SVOPL: variants seen among roughly 807,000 people sequenced by gnomAD.
The protein encoded by SVOPL is putative transporter SVOPL.
Under a neutral mutation model 61.0 loss-of-function variants are expected in SVOPL, and 60 were observed. The ratio of observed to expected loss-of-function variants is 0.98; its 90% CI spans 0.80 to 1.22. The LOEUF is 1.22. SVOPL is among the 50% of genes most tolerant of loss of function. SVOPL has a pLI of 0.00. For missense variants in SVOPL, 662 were observed against 643.9 expected (o/e 1.03, Z -0.30); for synonymous variants, 279 against 250.0 (o/e 1.12, Z -1.09).
At chr7:138,618,417 T>G (rs1231232815) in intron 14 of SVOPL, among the ~76,000 whole-genome samples, 2 of 151,960 alleles carry the variant, frequency 1.3e-5, no homozygotes, top group Non-Finnish European at 2.9e-5. Flanking sequence ...TCCCAGCACT[T>G]TGGGAGGCGA....
rs528124659 is a variant in SVOPL at position 138,634,691 on chromosome 7, G to A, written c.790-4569C>T. Reference sequence around the variant, plus strand: ...AAAAACAAAAAAATTAGCCAGGCATGGTGGCACATGCCTGCAATTCCAACT... The same window carrying A: ...AAAAACAAAAAAATTAGCCAGGCATAGTGGCACATGCCTGCAATTCCAACT... On this transcript the variant is annotated intron_variant, in intron 9 of 15. Transcript: ENST00000674285. Among the ~76,000 whole-genome samples, 21 of 130,986 alleles carry A rather than the reference G, an allele frequency of 1.6e-4. 1 individual carries two copies. In the Admixed American group the frequency reaches 1.6e-3, roughly 10 times the overall value. The allele number at this position is 130,986 out of a possible 152,430, so 85.9% of individuals were successfully genotyped here. A position where few individuals can be genotyped will look rare whatever the true frequency, so the allele number is the denominator to read the frequency against.
chr7:138,692,824 T>G (rs976329307), intron 1 of SVOPL, among the ~76,000 whole-genome samples: 1 of 152,176 alleles, frequency 6.6e-6, no homozygotes, highest in Non-Finnish European at 1.5e-5. Context: ...ATATAAGACT[T>G]GATTGTGGTT....
intron 3 of SVOPL, among the ~76,000 whole-genome samples, chr7:138,676,958 C>T (rs986081007): frequency 1.5e-5 from 2 of 133,498 alleles, no homozygotes; most frequent in Admixed American, 8.8e-5. Flanking sequence ...GGCTGGAGTG[C>T]AGTGGCACTA....
At position 138,663,283 on chromosome 7, in the gene SVOPL, G is replaced by A. The variant is rs1802083565; in HGVS notation, c.274-138C>T. 5 of 1,487,948 alleles carry A rather than the reference G, an allele frequency of 3.4e-6. No homozygotes were observed. The Admixed American group carries it at 1.1e-4, about 33-fold the overall frequency. 92.2% of individuals were successfully genotyped at this position (1,487,948 alleles called of 1,614,324 possible). A position where few individuals can be genotyped will look rare whatever the true frequency, so the allele number is the denominator to read the frequency against. ...ATTTAAAGAACAGGGTTTCACGTTGGTCTTGCTTGCCCCTGAGGCCCTTCA... is the reference window on the plus strand; with the variant it reads ...ATTTAAAGAACAGGGTTTCACGTTGATCTTGCTTGCCCCTGAGGCCCTTCA... On this transcript the variant is annotated intron_variant, in intron 4 of 15. Coordinates refer to ENST00000674285, the MANE Select transcript of SVOPL (RefSeq NM_001139456.2).
At chr7:138,641,819 T>A (rs1350344072) in intron 9 of SVOPL, among the ~76,000 whole-genome samples, 7 of 138,004 alleles carry the variant, frequency 5.1e-5, no homozygotes, top group African/African-American at 1.8e-4. Flanking sequence ...ATATGTTATA[T>A]ATATATATAT....
At chr7:138,609,815 C>A (rs1025401166) in intron 14 of SVOPL, among the ~76,000 whole-genome samples, 2 of 151,974 alleles carry the variant, frequency 1.3e-5, no homozygotes, top group African/African-American at 4.8e-5. Flanking sequence ...TCACTGCAAC[C>A]TCCACCTCCC....
At chr7:138,626,275 G>A (rs1337103091) in intron 12 of SVOPL, among the ~76,000 whole-genome samples, 1 of 152,136 alleles carries the variant, frequency 6.6e-6, no homozygotes, top group Non-Finnish European at 1.5e-5. Flanking sequence ...CATTCACCCT[G>A]GCCCCTCACA....
At chr7:138,597,270 A>T in intron 14 of SVOPL, 1 of 1,263,318 alleles carries the variant, frequency 7.9e-7, no homozygotes. Flanking sequence ...AGAATAATGT[A>T]TTATAATTTA....
At chr7:138,602,759 C>T (rs1798585396) in intron 14 of SVOPL, among the ~76,000 whole-genome samples, 1 of 152,040 alleles carries the variant, frequency 6.6e-6, no homozygotes, top group South Asian at 2.1e-4. Context: ...TTCTCTTGCT[C>T]TCTCAGGCCA....
intron 3 of SVOPL, among the ~76,000 whole-genome samples, chr7:138,673,969 G>C (rs1802492912): frequency 6.6e-6 from 1 of 152,058 alleles, no homozygotes; most frequent in Admixed American, 6.6e-5. Context: ...CAGATCACTT[G>C]AGGTCAGGAG....
rs1554456866 is a variant in SVOPL, at chr7:138,621,790, C to CTATCTATCTATG, written c.1264-667_1264-656dup. Among the ~76,000 whole-genome samples the CTATCTATCTATG allele has an allele frequency of 1.2e-4, 14 of 115,702 alleles. 4 individuals carry two copies. In the East Asian group the frequency reaches 1.4e-3, roughly 11 times the overall value. The allele number at this position is 115,702 out of a possible 152,430, so 75.9% of individuals were successfully genotyped here. A position where few individuals can be genotyped will look rare whatever the true frequency, so the allele number is the denominator to read the frequency against. On this transcript the variant is annotated intron_variant, in intron 13 of 15. Transcript: ENST00000674285. ...AATCTTAACAGCATATTCTATCTAT[C>CTATCTATCTATG]TATCTATCTATGTATCTATCTATGT...
chr7:138,650,111 C>T (rs1659795), intron 7 of SVOPL, among the ~76,000 whole-genome samples: 17,870 of 151,952 alleles, frequency 0.12, 1,207 homozygotes, highest in Non-Finnish European at 0.14. Context: ...ATTACAGGCG[C>T]GAGCCACTGC....
chr7:138,640,208 G>T (rs960482916), intron 9 of SVOPL, among the ~76,000 whole-genome samples: 1 of 94,786 alleles, frequency 1.1e-5, no homozygotes, highest in African/African-American at 4.3e-5. Context: ...CAAAGACAAT[G>T]ATTTTTTTTT....
At chr7:138,610,040 G>A (rs1438837699) in intron 14 of SVOPL, among the ~76,000 whole-genome samples, 2 of 152,090 alleles carry the variant, frequency 1.3e-5, no homozygotes, top group Admixed American at 6.6e-5. Context: ...CCTTATTATT[G>A]TGGTTTATAT....
At chr7:138,652,929 A>G (rs1429512544) in intron 7 of SVOPL, among the ~76,000 whole-genome samples, 1 of 152,086 alleles carries the variant, frequency 6.6e-6, no homozygotes, top group African/African-American at 2.4e-5. Context: ...CCCAGCAGAA[A>G]AGTTCTTGAA....
intron 8 of SVOPL, among the ~76,000 whole-genome samples, chr7:138,648,533 C>CAAAAAAA (rs61171485): frequency 1.4e-5 from 1 of 73,788 alleles, no homozygotes; most frequent in Non-Finnish European, 3.1e-5. Flanking sequence ...ACTAAAAATC[C>CAAAAAAA]AAAAAAAAAA....
intron 9 of SVOPL, among the ~76,000 whole-genome samples, chr7:138,636,399 G>C (rs937112794): frequency 6.6e-6 from 1 of 151,166 alleles, no homozygotes; most frequent in African/African-American, 2.4e-5. Flanking sequence ...AGAATACTCA[G>C]TATTACAAAG....
At chr7:138,673,530 G>A (rs1012359828) in intron 3 of SVOPL, among the ~76,000 whole-genome samples, 12 of 152,024 alleles carry the variant, frequency 7.9e-5, no homozygotes, top group African/African-American at 1.4e-4. Flanking sequence ...GGTACTGCAC[G>A]CCTACTCAGG....
intron 14 of SVOPL, among the ~76,000 whole-genome samples, chr7:138,601,285 A>T (rs957080467): frequency 2.7e-5 from 4 of 150,374 alleles, no homozygotes; most frequent in African/African-American, 9.8e-5. Context: ...GAAAATCACC[A>T]CCTTGTAAAG....
Sources: allele counts gnomAD v4.1 joint callset (sites outside exome capture counted in the v4.1 genomes callset), GRCh38; gene constraint gnomAD v4.1.1; transcripts MANE v1.5; gene names NCBI Gene and HGNC (gene_info 2026-07-23, HGNC 2026-07-21).